The following PLSCR3 variants were observed in gnomAD, a reference collection of about 807,000 sequenced individuals.
PLSCR3 encodes the protein PL scramblase 3.
In PLSCR3, 17 loss-of-function variants were observed where a neutral mutation model predicts 33.7. That is an observed-to-expected ratio of 0.50 (90% CI 0.35 to 0.76). The LOEUF is 0.76. Ranked by LOEUF, PLSCR3 falls within the 30% of genes least tolerant of loss-of-function variation. The pLI, the probability that PLSCR3 is intolerant of heterozygous loss-of-function variation, is 0.01. For missense variants in PLSCR3, 360 were observed against 394.1 expected (o/e 0.91, Z 0.73); for synonymous variants, 166 against 166.0 (o/e 1.00, Z 0.00).
chr17:7,393,112 G>GCCCCCCCCCCCCC, intron 5 of PLSCR3, 32 bp downstream of exon 5: 1 of 1,256,054 alleles, frequency 8.0e-7, no homozygotes, highest in Non-Finnish European at 1.1e-6. Context: ...CCCCACCAAG[G>GCCCCCCCCCCCCC]CCCGCCCTCC....
In PLSCR3 at chr17:7,391,937, G is replaced by A. The variant is rs8073583; in HGVS notation, c.669+854C>T. Among the ~76,000 whole-genome samples the A allele has an allele frequency of 0.044, 6,725 of 152,300 alleles. 456 individuals are homozygous for A. The highest frequency in any genetic ancestry group is 0.14 in the African/African-American group (5,953 of 41,540). On this transcript the variant is annotated intron_variant, in intron 6 of 7. Coordinates refer to ENST00000619711, the MANE Select transcript of PLSCR3 (RefSeq NM_020360.4). The surrounding 1 kb of genome is among the most constrained non-coding windows in gnomAD (Gnocchi z 4.1). ...GCGGTGGCTCACGCCTGTAATCCCAGCACTTTGGGAGGCTGAGGTGGGCGG... is the reference window on the plus strand; with the variant it reads ...GCGGTGGCTCACGCCTGTAATCCCAACACTTTGGGAGGCTGAGGTGGGCGG...
In PLSCR3 at chr17:7,392,948, T is replaced by G; in HGVS notation, c.512A>C (p.Glu171Ala). The G allele has an allele frequency of 6.2e-7, 1 of 1,610,690 alleles. No individual in the cohort carries two copies. The highest frequency in any genetic ancestry group is 8.5e-7 in the Non-Finnish European group (1 of 1,177,730). The change falls in exon 6 of 8, where the codon GAA becomes GCA. Residue 171 changes from glutamate to alanine, a missense_variant. Transcript: ENST00000619711. ...GGTGGTGCCTGGTGGAGCCTGTACT[T>G]CCATCTGGGAGTGGGAAGCAGACAG... ...SCCPCGLQEMEVQAPPGTTIG... is the reference protein window; with the variant it reads ...SCCPCGLQEMAVQAPPGTTIG...
chr17:7,392,667 G>A, intron 6 of PLSCR3, 124 bp downstream of exon 6: 1 of 873,434 alleles, frequency 1.1e-6, no homozygotes, highest in Non-Finnish European at 1.9e-6. Context: ...TACAAATGCG[G>A]TCGGAGTCAC....
At position 7,392,771 on chromosome 17, in the gene PLSCR3, G is replaced by C; in HGVS notation, c.669+20C>G. On this transcript the variant is annotated intron_variant, in intron 6 of 7. Coordinates refer to ENST00000619711, the MANE Select transcript of PLSCR3 (RefSeq NM_020360.4). The stretch of plus-strand genomic sequence containing the variant: ...ATCTTGGTTTACGAAGGTCCCAAGA[G>C]CCTCTAGTATTCCTGATACCTCAAA... 1 of 1,611,992 alleles carries C rather than the reference G, an allele frequency of 6.2e-7. No homozygotes were observed. Among genetic ancestry groups the C allele is most frequent in the Non-Finnish European group, 8.5e-7 (1 of 1,178,656 alleles).
In PLSCR3 at chr17:7,393,962, G is replaced by A. The variant is rs1016062736; in HGVS notation, c.8-126C>T. 7.8e-6 allele frequency: 9 copies of A among 1,156,696 alleles called. No homozygotes were observed. The South Asian group carries it at 9.0e-5, about 12-fold the overall frequency. The allele number at this position is 1,156,696 out of a possible 1,614,324, so 71.7% of individuals were successfully genotyped here. A position where few individuals can be genotyped will look rare whatever the true frequency, so the allele number is the denominator to read the frequency against. ...GCAAGAGGCAGAGAAAGATGGGGCA[G>A]GGGAGCAGGGTGGAGGTTCCCCGGA... is the stretch of plus-strand genomic sequence containing the variant. On this transcript the variant is annotated intron_variant, in intron 2 of 7. Transcript: ENST00000619711.
intron 6 of PLSCR3, among the ~76,000 whole-genome samples, chr17:7,392,236 G>A (rs913266750): frequency 6.6e-6 from 1 of 152,190 alleles, no homozygotes; most frequent in Non-Finnish European, 1.5e-5. Flanking sequence ...GGTCTGTGGA[G>A]TGCCTTTGTC....
In PLSCR3 at chr17:7,390,774, G is replaced by C. The variant is rs368960494; in HGVS notation, c.691C>G (p.Arg231Gly). Reference protein sequence around the residue: ...NFEVKTRDESRSVGRISKQWG... With the variant: ...NFEVKTRDESGSVGRISKQWG... The stretch of plus-strand genomic sequence containing the variant: ...TGCTTGCTGATGCGGCCCACACTGC[G>C]GGATTCATCCCGAGTCTTCACCTGT... The change falls in exon 7 of 8, where the codon CGC becomes GGC. Residue 231 changes from arginine to glycine, a missense_variant. By Grantham distance (125) the Arg-to-Gly change is moderately radical. Coordinates refer to ENST00000619711, the MANE Select transcript of PLSCR3 (RefSeq NM_020360.4). The C allele has an allele frequency of 4.6e-5, 75 of 1,613,964 alleles. No homozygotes were observed. Among genetic ancestry groups the C allele is most frequent in the Non-Finnish European group, 6.2e-5 (73 of 1,180,018 alleles).
At chr17:7,393,917 G>C in intron 2 of PLSCR3, 81 bp from the exon 3 acceptor site, 1 of 1,113,832 alleles carries the variant, frequency 9.0e-7, no homozygotes, top group Non-Finnish European at 1.3e-6. Context: ...GGGCCGCGAG[G>C]CTTCGGGGGA....
intron 2 of PLSCR3, 23 bp from the exon 3 acceptor site, chr17:7,393,859 T>TAA: frequency 7.2e-7 from 1 of 1,392,520 alleles, no homozygotes; most frequent in South Asian, 1.3e-5. Flanking sequence ...GGGAGCAGGA[T>TAA]AGATTAGAAA....
chr17:7,393,678 C>G lies in PLSCR3; in HGVS notation c.166G>C (p.Gly56Arg). Residue 56 changes from glycine (G) to arginine (R), a missense_variant, in exon 3 of 8, where the codon GGC (glycine) becomes CGC (arginine). Transcript: ENST00000619711. ...GCAGCAGACCCCAAGGCCACGGGGC[C>G]AGGCGAGGGGAAGAGGGCGAAGCCG... ...APGFALFPSP[G>R]PVALGSAAPF... is the part of the protein sequence containing the mutation. 2.5e-6 allele frequency: 4 copies of G among 1,595,918 alleles called. No individual in the cohort carries two copies. In the South Asian group the frequency reaches 4.4e-5, roughly 18 times the overall value.
In PLSCR3 at chr17:7,394,145, C is replaced by G. The variant is rs1420921279; in HGVS notation, c.-35G>C. 5.0e-6 allele frequency: 8 copies of G among 1,610,870 alleles called. No individual in the cohort carries two copies. Among genetic ancestry groups the G allele is most frequent in the African/African-American group, 1.3e-5 (1 of 74,868 alleles). ...GCTGGGGTTTTCGAGATGATGGTGT[C>G]TGGGTGGCTTAGTTCTGGAAGCGGA... On this transcript the variant is annotated 5_prime_UTR_variant, in exon 2 of 8. Transcript: ENST00000619711. The surrounding 1 kb of genome is among the most constrained non-coding windows in gnomAD (Gnocchi z 5.3).
At position 7,393,747 on chromosome 17, in the gene PLSCR3, G is replaced by C; in HGVS notation, c.97C>G (p.Pro33Ala). ...GYPEPALHPG[P>A]GQAPVPAQVP... ...TGGGCGGGCACTGGCGCCTGCCCGG[G>C]CCCAGGATGTAGCGCCGGCTCCGGG... Residue 33 changes from proline to alanine, a missense_variant, in exon 3 of 8, where the codon CCC becomes GCC. Pro to Ala is a conservative substitution (Grantham distance 27). Transcript: ENST00000619711. 6.6e-7 allele frequency: 1 copy of C among 1,514,958 alleles called. No homozygotes were observed. 93.8% of individuals were successfully genotyped at this position (1,514,958 alleles called of 1,614,324 possible).
intron 5 of PLSCR3, 41 bp from the exon 6 acceptor site, chr17:7,392,993 G>A: frequency 6.3e-7 from 1 of 1,577,498 alleles, no homozygotes; most frequent in Non-Finnish European, 8.6e-7. Flanking sequence ...GGAGGCAGGG[G>A]TCCCAGCTCT....
At chr17:7,392,312 A>G (rs1220105548) in intron 6 of PLSCR3, among the ~76,000 whole-genome samples, 1 of 152,216 alleles carries the variant, frequency 6.6e-6, no homozygotes, top group Non-Finnish European at 1.5e-5. Context: ...TGGGATCTCT[A>G]GCTTCCAGAC....
In PLSCR3 at chr17:7,392,946, C is replaced by T. The variant is rs758455303; in HGVS notation, c.514G>A (p.Val172Ile). The stretch of plus-strand genomic sequence containing the variant: ...ATGGTGGTGCCTGGTGGAGCCTGTA[C>T]TTCCATCTGGGAGTGGGAAGCAGAC... ...CCPCGLQEMEVQAPPGTTIGH... is the reference protein window; with the variant it reads ...CCPCGLQEMEIQAPPGTTIGH... Residue 172 changes from valine (V) to isoleucine (I), a missense_variant, in exon 6 of 8, where the codon GTA becomes ATA. Transcript: ENST00000619711. 6.2e-7 allele frequency: 1 copy of T among 1,610,946 alleles called. No individual in the cohort carries two copies. The highest frequency in any genetic ancestry group is 1.1e-5 in the South Asian group (1 of 90,806).
chr17:7,392,741 G>A (rs754886588), intron 6 of PLSCR3, 50 bp downstream of exon 6: 14 of 1,550,072 alleles, frequency 9.0e-6, no homozygotes, highest in African/African-American at 1.4e-5. Flanking sequence ...CCTCATGGAA[G>A]CATCATCTTG....
Position 7,394,363 on chromosome 17 carries a change from T to G in PLSCR3, c.-157-96A>C. On this transcript the variant is annotated intron_variant, in intron 1 of 7. Transcript: ENST00000619711. The surrounding 1 kb of genome is among the most constrained non-coding windows in gnomAD (Gnocchi z 5.3). Reference sequence around the variant, plus strand: ...CCCCAGAACCGCCCCCTCCCTTTGTTCTCCCATCCTGCGGAGGAGGCTGTG... The same window carrying G: ...CCCCAGAACCGCCCCCTCCCTTTGTGCTCCCATCCTGCGGAGGAGGCTGTG... The G allele has an allele frequency of 2.1e-6, 1 of 477,472 alleles. No homozygotes were observed. Among genetic ancestry groups the G allele is most frequent in the Non-Finnish European group, 3.8e-6 (1 of 265,048 alleles). 29.6% of individuals were successfully genotyped at this position (477,472 alleles called of 1,614,324 possible). A position where few individuals can be genotyped will look rare whatever the true frequency, so the allele number is the denominator to read the frequency against.
Position 7,393,822 on chromosome 17 carries a change from TG to T in PLSCR3, c.21del (p.Gly9AlafsTer78), listed in dbSNP as rs1247486836. The T allele has an allele frequency of 9.3e-6, 14 of 1,499,094 alleles. No individual in the cohort carries two copies. The highest frequency in any genetic ancestry group is 1.2e-5 in the Non-Finnish European group (14 of 1,126,460). The allele number at this position is 1,499,094 out of a possible 1,614,324, so 92.9% of individuals were successfully genotyped here. A position where few individuals can be genotyped will look rare whatever the true frequency, so the allele number is the denominator to read the frequency against. On this transcript the variant is annotated frameshift_variant, in exon 3 of 8. Coordinates refer to ENST00000619711, the MANE Select transcript of PLSCR3 (RefSeq NM_020360.4). LOFTEE classifies it high-confidence loss of function. ...GGTGGGGGCGAAGGGGCGTAGCCTT[TG>T]GGGGGCAAGTAGCCTGTAAAGCGGT... MAGYLP[P>X]KGYAPSPPPP... is the part of the protein sequence containing the mutation.
chr17:7,390,398 G>A lies in PLSCR3; in HGVS notation c.875C>T (p.Ala292Val), dbSNP rs1343832315. ...FEKRGGAGPS[A>V]VTS The stretch of plus-strand genomic sequence containing the variant: ...CCATGGTGGCCTCTAACTGGTGACG[G>A]CAGAGGGCCCAGCGCCTCCTCGCTT... Residue 292 changes from alanine to valine, a missense_variant, in exon 8 of 8, where the codon GCC becomes GTC. Physicochemically the swap from Ala to Val is moderately conservative, Grantham distance 64. Coordinates refer to ENST00000619711, the MANE Select transcript of PLSCR3 (RefSeq NM_020360.4). 1 of 1,554,376 alleles carries A rather than the reference G, an allele frequency of 6.4e-7. No individual in the cohort carries two copies. Among genetic ancestry groups the A allele is most frequent in the Non-Finnish European group, 8.7e-7 (1 of 1,147,730 alleles).
Sources: allele counts gnomAD v4.1 joint callset (sites outside exome capture counted in the v4.1 genomes callset), GRCh38; gene constraint gnomAD v4.1.1; non-coding constraint Gnocchi (gnomAD v3.1); transcripts MANE v1.5; gene names NCBI Gene and HGNC (gene_info 2026-07-23, HGNC 2026-07-21).